Variants in RIMS1 observed in about 807,000 individuals in gnomAD.
RIMS1 encodes the protein regulating synaptic membrane exocytosis 1.
A neutral mutation model predicts 214.1 loss-of-function variants in RIMS1; 83 were observed. The observed-to-expected ratio is 0.39, with a 90% CI of 0.32 to 0.47. The LOEUF is 0.47. Ranked by LOEUF, RIMS1 falls within the 20% of genes least tolerant of loss-of-function variation. The pLI is 0.99. For missense variants in RIMS1, 2,050 were observed against 2,161.8 expected (o/e 0.95, Z 1.03); for synonymous variants, 793 against 786.8 (o/e 1.01, Z -0.13).
chr6:71,903,762 T>G (rs999236435), intron 1 of RIMS1, among the ~76,000 whole-genome samples: 54 of 148,948 alleles, frequency 3.6e-4, no homozygotes, highest in African/African-American at 1.1e-3. Flanking sequence ...GTGTGTGTGT[T>G]TTTTTTTTCC....
At chr6:72,154,315 T>A (rs534723412) in intron 4 of RIMS1, among the ~76,000 whole-genome samples, 4 of 140,480 alleles carry the variant, frequency 2.8e-5, no homozygotes, top group African/African-American at 9.8e-5. Context: ...GATGGATGTA[T>A]TGATTGTATA....
At chr6:71,960,196 T>C (rs944464720) in intron 1 of RIMS1, among the ~76,000 whole-genome samples, 45 of 152,134 alleles carry the variant, frequency 3.0e-4, no homozygotes, top group South Asian at 2.1e-4. Flanking sequence ...TGTTATTGCC[T>C]ACTAAACAAT....
At chr6:72,171,727 A>AG (rs1431868691) in intron 4 of RIMS1, among the ~76,000 whole-genome samples, 6 of 152,142 alleles carry the variant, frequency 3.9e-5, no homozygotes, top group Non-Finnish European at 7.4e-5. Context: ...TTAACTCTAG[A>AG]AATCACTCTT....
rs1410807108 is a variant in RIMS1 at position 72,179,562 on chromosome 6, C to T, written c.472-13C>T. 3.1e-6 allele frequency: 5 copies of T among 1,594,122 alleles called. No homozygotes were observed. Among genetic ancestry groups the T allele is most frequent in the South Asian group, 2.3e-5 (2 of 88,702 alleles). The stretch of plus-strand genomic sequence containing the variant: ...GGCATAAAAATTTATATTGTTCTTT[C>T]TTCTTCAAATAGGTTATGTGGGTAT... On this transcript the variant is annotated splice_polypyrimidine_tract_variant and intron_variant, in intron 4 of 33. Coordinates refer to ENST00000521978, the MANE Select transcript of RIMS1 (RefSeq NM_014989.7).
intron 2 of RIMS1, among the ~76,000 whole-genome samples, chr6:72,036,817 C>G (rs1819741593): frequency 6.6e-6 from 1 of 152,100 alleles, no homozygotes; most frequent in Non-Finnish European, 1.5e-5. Context: ...TTAAAGTTGT[C>G]ACGCATGTAG....
intron 9 of RIMS1, 83 bp from the exon 10 acceptor site, chr6:72,242,231 A>G: frequency 8.9e-7 from 1 of 1,119,244 alleles, no homozygotes; most frequent in Non-Finnish European, 1.3e-6. Context: ...TATGTTTTGC[A>G]TTTCTTTGTT....
rs940684990 is a variant in RIMS1, at chr6:72,182,924, C to G, written c.1453C>G (p.Arg485Gly). The G allele has an allele frequency of 1.3e-5, 21 of 1,583,746 alleles. No homozygotes were observed. Among genetic ancestry groups the G allele is most frequent in the Non-Finnish European group, 1.8e-5 (21 of 1,166,372 alleles). The change falls in exon 6 of 34, where the codon CGG becomes GGG. Residue 485 changes from arginine (R) to glycine (G), a missense_variant. Transcript: ENST00000521978. ...GGACCCCAGCTCGGCGGTCCTCATGCGGAAGGCCAAGCGCGAGAAGGTGGA... is the reference window on the plus strand; with the variant it reads ...GGACCCCAGCTCGGCGGTCCTCATGGGGAAGGCCAAGCGCGAGAAGGTGGA... ...RLDPSSAVLM[R>G]KAKREKVETM...
At chr6:72,089,540 G>A (rs1047505556) in intron 2 of RIMS1, among the ~76,000 whole-genome samples, 1 of 151,890 alleles carries the variant, frequency 6.6e-6, no homozygotes, top group Non-Finnish European at 1.5e-5. Context: ...CTTGACCTCC[G>A]AGGCTTAAAC....
intron 29 of RIMS1, among the ~76,000 whole-genome samples, chr6:72,359,265 G>A (rs1219995112): frequency 6.6e-6 from 1 of 152,180 alleles, no homozygotes; most frequent in Non-Finnish European, 1.5e-5. Context: ...AGCTTTTAAT[G>A]TGCTGGTCAC....
At chr6:72,193,864 G>A (rs1374746199) in intron 6 of RIMS1, among the ~76,000 whole-genome samples, 1 of 151,938 alleles carries the variant, frequency 6.6e-6, no homozygotes, top group Non-Finnish European at 1.5e-5. Flanking sequence ...CAAAGAAAAG[G>A]GAAAAGAAAC....
At chr6:72,335,148 G>A (rs777869743) in intron 29 of RIMS1, among the ~76,000 whole-genome samples, 6 of 151,896 alleles carry the variant, frequency 4.0e-5, no homozygotes, top group Non-Finnish European at 8.8e-5. Context: ...TGCCGTGATG[G>A]TTTGCTGCAC....
intron 28 of RIMS1, among the ~76,000 whole-genome samples, chr6:72,328,729 A>G (rs1007045929): frequency 6.6e-6 from 1 of 151,770 alleles, no homozygotes; most frequent in African/African-American, 2.4e-5. Flanking sequence ...ATCTAAGCCT[A>G]TATTTTAAAG....
intron 6 of RIMS1, among the ~76,000 whole-genome samples, chr6:72,210,693 T>C (rs1184932960): frequency 6.6e-6 from 1 of 152,218 alleles, no homozygotes; most frequent in Non-Finnish European, 1.5e-5. Context: ...TTATTATTGC[T>C]TTTGTTGAAT....
At chr6:72,028,453 A>G (rs1817166827) in intron 2 of RIMS1, among the ~76,000 whole-genome samples, 1 of 152,170 alleles carries the variant, frequency 6.6e-6, no homozygotes, top group Non-Finnish European at 1.5e-5. Flanking sequence ...GAAATTTCAT[A>G]TATAATTTGG....
chr6:71,939,940 C>G (rs901083562), intron 1 of RIMS1, among the ~76,000 whole-genome samples: 1 of 152,188 alleles, frequency 6.6e-6, no homozygotes, highest in Non-Finnish European at 1.5e-5. Flanking sequence ...AATACCTGCT[C>G]TGTTACTAAG....
rs938503009 is a variant in RIMS1 at position 72,343,446 on chromosome 6, G to A, written c.4366+9611G>A. Among the ~76,000 whole-genome samples, 4 of 147,396 alleles carry A rather than the reference G, an allele frequency of 2.7e-5. No homozygotes were observed. In the Admixed American group the frequency reaches 2.7e-4, roughly 10 times the overall value. Reference sequence around the variant, plus strand: ...ATCTATTAATATTGTGTCTTCTCAAGGAAATAAGAAAATCTTACTCCTTTC... The same window carrying A: ...ATCTATTAATATTGTGTCTTCTCAAAGAAATAAGAAAATCTTACTCCTTTC... On this transcript the variant is annotated intron_variant, in intron 29 of 33. Coordinates refer to ENST00000521978, the MANE Select transcript of RIMS1 (RefSeq NM_014989.7).
intron 28 of RIMS1, among the ~76,000 whole-genome samples, chr6:72,326,097 T>C (rs551642144): frequency 6.6e-6 from 1 of 152,048 alleles, no homozygotes; most frequent in African/African-American, 2.4e-5. Context: ...TGTGAACTTA[T>C]ATGCATTATT....
At chr6:72,175,566 G>C (rs535719740) in intron 4 of RIMS1, among the ~76,000 whole-genome samples, 2 of 151,944 alleles carry the variant, frequency 1.3e-5, no homozygotes, top group Non-Finnish European at 2.9e-5. Context: ...TCAGCTACTC[G>C]GGAGGCTGGG....
chr6:72,345,000 A>G (rs763565515), intron 29 of RIMS1, among the ~76,000 whole-genome samples: 4 of 151,772 alleles, frequency 2.6e-5, no homozygotes, highest in Non-Finnish European at 4.4e-5. Context: ...TCAAAGCACA[A>G]CACTTAGCAC....
Sources: gnomAD v4.1 joint callset for allele counts (sites outside exome capture counted in the v4.1 genomes callset) on GRCh38, gnomAD v4.1.1 for gene constraint, MANE v1.5 for transcripts, NCBI Gene and HGNC (gene_info 2026-07-23, HGNC 2026-07-21) for gene names.